The following AZIN2 variants were observed in gnomAD, a reference collection of about 807,000 sequenced individuals.
The protein encoded by AZIN2 is ODC antizyme inhibitor-2.
In AZIN2, 28 loss-of-function variants were observed where a neutral mutation model predicts 47.8. That is an observed-to-expected ratio of 0.59 (90% confidence interval 0.43 to 0.80). AZIN2 has a LOEUF of 0.80. Ranked by LOEUF, AZIN2 falls within the 30% of genes least tolerant of loss-of-function variation. The probability of loss-of-function intolerance (pLI) is 0.00; values close to 1 mark genes in which losing one functional copy is unlikely to be tolerated. For synonymous variants in AZIN2, 221 were observed against 239.4 expected, an observed-to-expected ratio of 0.92 and a Z score of 0.71; for missense variants, 535 against 582.5, an observed-to-expected ratio of 0.92 and a Z score of 0.84.
At chr1:33,144,884 T>C in the AZIN2 span, among the ~76,000 whole-genome samples, 491 of 152,332 alleles carry the variant, frequency 3.2e-3, 1 homozygote, top group African/African-American at 0.012. Flanking sequence ...GCACTGACTC[T>C]GGGAGGCAGC....
the AZIN2 span, chr1:33,147,047 C>G: frequency 1.1e-6 from 1 of 927,158 alleles, no homozygotes; most frequent in East Asian, 2.5e-5. This position sits in a 1 kb window ranked among gnomAD's most constrained non-coding sequence, Gnocchi z 8.1. Flanking sequence ...AGACTGGAGG[C>G]TGGAGGGTAA....
the AZIN2 span, chr1:33,141,762 G>T: frequency 6.0e-6 from 1 of 167,626 alleles, no homozygotes; most frequent in South Asian, 1.8e-4. Context: ...TAGGTTGATA[G>T]GTGCAGCAAA....
At chr1:33,127,823 C>G (rs985351256), downstream of AZIN2, among the ~76,000 whole-genome samples, 1 of 152,106 alleles carries the variant, frequency 6.6e-6, no homozygotes, top group Non-Finnish European at 1.5e-5. Context: ...TTAAAATAAT[C>G]AAGCGTGCCT....
the AZIN2 span, among the ~76,000 whole-genome samples, chr1:33,131,774 TA>T: frequency 6.6e-6 from 1 of 152,328 alleles, no homozygotes; most frequent in Non-Finnish European, 1.5e-5. Flanking sequence ...AATTATCTAT[TA>T]AATATACCTC....
the AZIN2 span, among the ~76,000 whole-genome samples, chr1:33,152,791 A>G: frequency 6.6e-6 from 1 of 152,098 alleles, no homozygotes. Context: ...TCTGGGTCAC[A>G]CAGCTAGGCA....
chr1:33,082,413 C>T, intron 4 of AZIN2, 59 bp downstream of exon 4: 1 of 1,292,134 alleles, frequency 7.7e-7, no homozygotes, highest in South Asian at 1.3e-5. Flanking sequence ...GCTGCCTCCT[C>T]AGGAAGGGTC....
At chr1:33,105,918 C>T (rs1643983859) in intron 10 of AZIN2, among the ~76,000 whole-genome samples, 1 of 152,110 alleles carries the variant, frequency 6.6e-6, no homozygotes, top group South Asian at 2.1e-4. Flanking sequence ...CCTTTTATTG[C>T]CAAGATGGGG....
chr1:33,118,295 C>T, intron 11 of AZIN2, 179 bp downstream of exon 11: 1 of 616,822 alleles, frequency 1.6e-6, no homozygotes, highest in Non-Finnish European at 2.6e-6. Flanking sequence ...GCTGGGCTTT[C>T]CTAGAGGAGC....
chr1:33,101,972 C>G (rs1216201541), intron 10 of AZIN2: 1 of 724,196 alleles, frequency 1.4e-6, no homozygotes, highest in African/African-American at 1.7e-5. Flanking sequence ...GTTTTTGCTA[C>G]TGTGAATACT....
the AZIN2 span, chr1:33,166,377 T>C: frequency 1.3e-5 from 2 of 151,182 alleles, no homozygotes; most frequent in African/African-American, 2.4e-5. Context: ...TCCATGAAGC[T>C]GGTCCCTGGT....
the AZIN2 span, chr1:33,147,099 T>C: frequency 4.6e-6 from 7 of 1,511,120 alleles, no homozygotes; most frequent in South Asian, 1.3e-5. This position sits in a 1 kb window ranked among gnomAD's most constrained non-coding sequence, Gnocchi z 8.1. Flanking sequence ...TGGGCTGGAG[T>C]CCAGGTCTTC....
rs1644391143 is a variant in AZIN2 at position 33,113,734 on chromosome 1, A to G, written c.1030-4168A>G. Among the ~76,000 whole-genome samples, 1 of 152,236 alleles carries G rather than the reference A, an allele frequency of 6.6e-6. No homozygotes were observed. Among genetic ancestry groups the G allele is most frequent in the Non-Finnish European group, 1.5e-5 (1 of 68,034 alleles). On this transcript the variant is annotated intron_variant, in intron 10 of 11. Coordinates refer to ENST00000294517, the MANE Select transcript of AZIN2 (RefSeq NM_052998.4). The surrounding 1 kb of genome is among the most constrained non-coding windows in gnomAD (Gnocchi z 4.1). ...CTCTAGTTTCTCCATTTGGAAAATG[A>G]CAGGGCTGAACTTCAGTGTATCTCA...
intron 5 of AZIN2, among the ~76,000 whole-genome samples, chr1:33,090,030 T>C (rs1022215540): frequency 2.0e-5 from 3 of 152,180 alleles, no homozygotes; most frequent in African/African-American, 4.8e-5. Flanking sequence ...GAATGGGTTA[T>C]TGGCAAGGAC....
At chr1:33,083,854 C>T (rs1363541563) in intron 4 of AZIN2, 100 bp from the exon 5 acceptor site, 5 of 1,419,546 alleles carry the variant, frequency 3.5e-6, no homozygotes, top group East Asian at 2.3e-5. Flanking sequence ...GCTCTGTGGC[C>T]AGTACTGAAC....
At chr1:33,139,203 G>A in the AZIN2 span, among the ~76,000 whole-genome samples, 1 of 152,100 alleles carries the variant, frequency 6.6e-6, no homozygotes, top group Non-Finnish European at 1.5e-5. Flanking sequence ...TCTAGGTGTC[G>A]GGGGAATGAT....
At chr1:33,089,845 G>A (rs1642336082) in intron 5 of AZIN2, among the ~76,000 whole-genome samples, 1 of 152,166 alleles carries the variant, frequency 6.6e-6, no homozygotes, top group African/African-American at 2.4e-5. Context: ...ACAAAATCAG[G>A]ATGGCTAAAA....
At chr1:33,091,951 C>A in intron 5 of AZIN2, 99 bp from the exon 6 acceptor site, 1 of 1,303,040 alleles carries the variant, frequency 7.7e-7, no homozygotes, top group Admixed American at 2.1e-5. Flanking sequence ...ATGGGCCTCC[C>A]TATGCATAGC....
At chr1:33,143,482 G>A in the AZIN2 span, among the ~76,000 whole-genome samples, 1 of 152,148 alleles carries the variant, frequency 6.6e-6, no homozygotes, top group Non-Finnish European at 1.5e-5. Context: ...TCTAGTCTCA[G>A]AATCACCCCA....
At chr1:33,156,142 A>G in the AZIN2 span, among the ~76,000 whole-genome samples, 150,815 of 152,332 alleles carry the variant, frequency 0.99, 74,675 homozygotes, top group Middle Eastern at 1. Context: ...TGCAGTCAAG[A>G]CTGTCACTCC....
Sources: allele counts gnomAD v4.1 joint callset (sites outside exome capture counted in the v4.1 genomes callset), GRCh38; gene constraint gnomAD v4.1.1; non-coding constraint Gnocchi (gnomAD v3.1); transcripts MANE v1.5; gene names NCBI Gene and HGNC (gene_info 2026-07-23, HGNC 2026-07-21).